KAZN: variants seen among roughly 807,000 people sequenced by gnomAD.
KAZN encodes kazrin.
A neutral mutation model predicts 87.4 loss-of-function variants in KAZN; 40 were observed. The observed-to-expected ratio is 0.46, with a 90% CI of 0.36 to 0.60. KAZN has a LOEUF of 0.60. KAZN is among the 20% of genes least tolerant of loss of function. KAZN has a pLI of 0.00. For missense variants in KAZN, 898 were observed against 1,073.9 expected (o/e 0.84, Z 2.29); for synonymous variants, 466 against 458.3 (o/e 1.02, Z -0.22).
intron 2 of KAZN, among the ~76,000 whole-genome samples, chr1:14,533,238 G>A (rs1406125671): frequency 6.6e-6 from 1 of 152,054 alleles, no homozygotes; most frequent in Non-Finnish European, 1.5e-5. Context: ...AACATTTCTG[G>A]GATAAACACA....
rs139921277 is a variant in KAZN at position 14,486,846 on chromosome 1, C to T, written c.250-112137C>T. ...GTGCCAGGCATAATATTATACTTGCCAGGCCATCGGTTTGACCTCGAGCCT... is the reference window on the plus strand; with the variant it reads ...GTGCCAGGCATAATATTATACTTGCTAGGCCATCGGTTTGACCTCGAGCCT... On this transcript the variant is annotated intron_variant, in intron 2 of 16. Transcript: ENST00000636203. 9.8e-3 allele frequency among the ~76,000 whole-genome samples: 1,489 copies of T among 152,312 alleles called. 25 individuals carry two copies. Among genetic ancestry groups the T allele is most frequent in the Admixed American group, 0.042 (636 of 15,302 alleles).
chr1:14,132,333 G>A (rs977195239), intron 1 of KAZN, among the ~76,000 whole-genome samples: 2 of 152,126 alleles, frequency 1.3e-5, no homozygotes, highest in Admixed American at 6.5e-5. Context: ...GAAAAGCAGG[G>A]GGTCACAGCA....
At chr1:14,819,057 A>G (rs982932545) in intron 1 of KAZN, among the ~76,000 whole-genome samples, 1 of 152,068 alleles carries the variant, frequency 6.6e-6, no homozygotes, top group African/African-American at 2.4e-5. Context: ...CTCTGTCTCA[A>G]AAAAAAATTG....
At chr1:14,967,984 C>T (rs1364601703) in intron 2 of KAZN, among the ~76,000 whole-genome samples, 1 of 152,172 alleles carries the variant, frequency 6.6e-6, no homozygotes, top group Non-Finnish European at 1.5e-5. Context: ...TTTCCACGGA[C>T]CAGGTGTCCG....
At position 14,455,079 on chromosome 1, in the gene KAZN, C is replaced by T. The variant is rs143800194; in HGVS notation, c.250-143904C>T. Among the ~76,000 whole-genome samples the T allele has an allele frequency of 2.6e-4, 39 of 152,110 alleles. No individual in the cohort carries two copies. In the East Asian group the frequency reaches 6.0e-3, roughly 23 times the overall value. ...CCAGAGAAAGAGATCCAAGAAAAAG[C>T]GAGAGAGGGTCCAGGATGGAAGCCA... On this transcript the variant is annotated intron_variant, in intron 2 of 16. Coordinates refer to the KAZN transcript ENST00000636203.
chr1:14,454,072 G>T (rs1246843272), intron 2 of KAZN, among the ~76,000 whole-genome samples: 2 of 152,100 alleles, frequency 1.3e-5, no homozygotes, highest in African/African-American at 4.8e-5. Context: ...ACAATAGGGT[G>T]GTATAAACCA....
At chr1:14,570,512 A>AC (rs1193462225) in intron 2 of KAZN, among the ~76,000 whole-genome samples, 2 of 152,166 alleles carry the variant, frequency 1.3e-5, no homozygotes, top group African/African-American at 4.8e-5. Context: ...TTTATAGCTG[A>AC]CATTTCTCTA....
chr1:14,974,521 C>T (rs186942715), intron 2 of KAZN, among the ~76,000 whole-genome samples: 6 of 152,176 alleles, frequency 3.9e-5, no homozygotes, highest in Admixed American at 1.3e-4. Flanking sequence ...CTTGTACATA[C>T]GTGGTTTTAG....
chr1:14,043,637 A>G (rs1381567043), intron 1 of KAZN, among the ~76,000 whole-genome samples: 1 of 151,994 alleles, frequency 6.6e-6, no homozygotes, highest in Non-Finnish European at 1.5e-5. Flanking sequence ...AAATATAACA[A>G]CCAGTCCAAT....
intron 1 of KAZN, among the ~76,000 whole-genome samples, chr1:14,705,299 G>C (rs1013922793): frequency 6.6e-6 from 1 of 152,164 alleles, no homozygotes; most frequent in Non-Finnish European, 1.5e-5. Context: ...AAGGCCTTAT[G>C]TCCAAGAGAG....
intron 2 of KAZN, among the ~76,000 whole-genome samples, chr1:14,988,632 C>G (rs1456916159): frequency 1.3e-5 from 2 of 152,246 alleles, no homozygotes; most frequent in Non-Finnish European, 2.9e-5. Context: ...AAAAGTCCGT[C>G]CAGCCAGCTG....
At chr1:14,675,041 C>T (rs1289156418) in intron 1 of KAZN, among the ~76,000 whole-genome samples, 2 of 152,210 alleles carry the variant, frequency 1.3e-5, no homozygotes, top group Admixed American at 6.5e-5. Context: ...CACATTCCCT[C>T]ACTCCGAGGT....
chr1:14,315,270 C>G (rs1237179134), intron 2 of KAZN, among the ~76,000 whole-genome samples: 1 of 152,034 alleles, frequency 6.6e-6, no homozygotes, highest in Non-Finnish European at 1.5e-5. Context: ...TCCCAAAGCC[C>G]TAGCACAGTG....
At chr1:14,228,187 AATG>A (rs1368730354) in intron 2 of KAZN, among the ~76,000 whole-genome samples, 2 of 152,134 alleles carry the variant, frequency 1.3e-5, no homozygotes, top group East Asian at 1.9e-4. Context: ...TGATATTGGT[AATG>A]ATGACTATAA....
At chr1:14,406,549 G>A (rs1395233830) in intron 2 of KAZN, among the ~76,000 whole-genome samples, 1 of 152,128 alleles carries the variant, frequency 6.6e-6, no homozygotes, top group Non-Finnish European at 1.5e-5. Flanking sequence ...GGGAAAGGAT[G>A]GGAGGGGGGT....
chr1:14,929,775 C>T lies in KAZN; in HGVS notation c.227-30909C>T, dbSNP rs74059667. ...CTCTCCGTGAGTGCGTCTTATGTTGCGGGTGCCAGATGAGTGCCTTTCAAG... is the reference window on the plus strand; with the variant it reads ...CTCTCCGTGAGTGCGTCTTATGTTGTGGGTGCCAGATGAGTGCCTTTCAAG... On this transcript the variant is annotated intron_variant, in intron 1 of 14. Coordinates refer to ENST00000376030, the MANE Select transcript of KAZN (RefSeq NM_201628.3). 0.011 allele frequency: 10,369 copies of T among 985,272 alleles called. 827 individuals are homozygous for T. The African/African-American group carries it at 0.17, about 16-fold the overall frequency. 61.0% of individuals were successfully genotyped at this position (985,272 alleles called of 1,614,324 possible).
chr1:14,367,503 A>G (rs1002344186), intron 2 of KAZN, among the ~76,000 whole-genome samples: 2 of 152,140 alleles, frequency 1.3e-5, no homozygotes, highest in Non-Finnish European at 2.9e-5. Flanking sequence ...GGAAAAGGCA[A>G]CATTTGAGCA....
chr1:14,881,682 T>C (rs1282661814), intron 1 of KAZN, among the ~76,000 whole-genome samples: 2 of 152,230 alleles, frequency 1.3e-5, no homozygotes, highest in Non-Finnish European at 2.9e-5. Flanking sequence ...GTACAGGTTC[T>C]GGTGTCAAAT....
At chr1:14,271,386 C>T (rs1651916071) in intron 2 of KAZN, among the ~76,000 whole-genome samples, 1 of 152,206 alleles carries the variant, frequency 6.6e-6, no homozygotes, top group South Asian at 2.1e-4. Context: ...GAAGAAGTCT[C>T]TTAGCTACCC....
Sources: allele counts gnomAD v4.1 joint callset (sites outside exome capture counted in the v4.1 genomes callset), GRCh38; gene constraint gnomAD v4.1.1; transcripts MANE v1.5; gene names NCBI Gene and HGNC (gene_info 2026-07-23, HGNC 2026-07-21).